The following TNFSF4 variants were observed in gnomAD, a reference collection of about 807,000 sequenced individuals.
The protein encoded by TNFSF4 is TNF superfamily member 4, also known as tumor necrosis factor ligand superfamily member 4.
In TNFSF4, 4 loss-of-function variants were observed where a neutral mutation model predicts 7.3. That is an observed-to-expected ratio of 0.55 (90% CI 0.27 to 1.25). TNFSF4 has a LOEUF of 1.25. Among genes scored for constraint, TNFSF4 ranks in the 50% most tolerant of loss-of-function variants. TNFSF4 has a pLI of 0.12. For synonymous variants in TNFSF4, 76 were observed against 83.7 expected (o/e 0.91, Z 0.50); for missense variants, 181 against 208.8 (o/e 0.87, Z 0.82).
the TNFSF4 span, among the ~76,000 whole-genome samples, chr1:173,176,005 T>C: frequency 4.6e-5 from 7 of 152,196 alleles, no homozygotes; most frequent in Non-Finnish European, 1.0e-4. Flanking sequence ...ACAAATGTCT[T>C]GTGTTTGTAA....
At chr1:173,183,041 A>G (rs1051785286), downstream of TNFSF4, among the ~76,000 whole-genome samples, 1 of 152,214 alleles carries the variant, frequency 6.6e-6, no homozygotes, top group Non-Finnish European at 1.5e-5. Context: ...CGATATTTAA[A>G]TATCAGCTAC....
At chr1:173,335,804 T>A in the TNFSF4 span, among the ~76,000 whole-genome samples, 2 of 152,192 alleles carry the variant, frequency 1.3e-5, no homozygotes, top group African/African-American at 4.8e-5. Context: ...AAATATACAC[T>A]GTTACTATTT....
the TNFSF4 span, among the ~76,000 whole-genome samples, chr1:173,308,368 G>A: frequency 1.3e-5 from 2 of 149,984 alleles, no homozygotes; most frequent in Non-Finnish European, 3.0e-5. Flanking sequence ...AGGTCTTGAA[G>A]ACATTTTTCT....
the TNFSF4 span, among the ~76,000 whole-genome samples, chr1:173,292,217 A>T: frequency 1.3e-5 from 2 of 152,268 alleles, no homozygotes; most frequent in South Asian, 4.1e-4. Context: ...TAATAAACAT[A>T]GATGCAAAAA....
the TNFSF4 span, among the ~76,000 whole-genome samples, chr1:173,221,667 G>A: frequency 3.5e-4 from 54 of 152,312 alleles, no homozygotes; most frequent in African/African-American, 1.3e-3. Flanking sequence ...GAAGAGCTCA[G>A]TTTTGCACAG....
the TNFSF4 span, among the ~76,000 whole-genome samples, chr1:173,213,447 GA>G: frequency 6.6e-6 from 1 of 152,042 alleles, no homozygotes; most frequent in South Asian, 2.1e-4. Flanking sequence ...CAAATATCTA[GA>G]CAGACTTTTG....
At chr1:173,447,526 A>T in the TNFSF4 span, among the ~76,000 whole-genome samples, 1 of 152,128 alleles carries the variant, frequency 6.6e-6, no homozygotes, top group Non-Finnish European at 1.5e-5. Context: ...TTTTCACTCA[A>T]TTTGTCTGTG....
At chr1:173,289,135 G>A in the TNFSF4 span, among the ~76,000 whole-genome samples, 5 of 152,132 alleles carry the variant, frequency 3.3e-5, no homozygotes, top group African/African-American at 1.2e-4. Flanking sequence ...AGTCAGTGTT[G>A]GAGAAAAGGA....
chr1:173,360,112 G>A, the TNFSF4 span, among the ~76,000 whole-genome samples: 42 of 152,356 alleles, frequency 2.8e-4, no homozygotes, highest in South Asian at 3.5e-3. Flanking sequence ...ATTCCAACTA[G>A]CCGGCTGATA....
the TNFSF4 span, among the ~76,000 whole-genome samples, chr1:173,274,299 A>G: frequency 6.6e-6 from 1 of 152,192 alleles, no homozygotes; most frequent in Non-Finnish European, 1.5e-5. Flanking sequence ...TTGATATTTC[A>G]TAATTTATTC....
At chr1:173,407,132 T>C in the TNFSF4 span, among the ~76,000 whole-genome samples, 1 of 151,204 alleles carries the variant, frequency 6.6e-6, no homozygotes, top group Admixed American at 6.6e-5. Flanking sequence ...GGGAGGCAGG[T>C]GGTGCGGGAG....
chr1:173,180,142 A>G (rs1328299685), downstream of TNFSF4, among the ~76,000 whole-genome samples: 1 of 152,206 alleles, frequency 6.6e-6, no homozygotes, highest in African/African-American at 2.4e-5. Context: ...TGAATGAATG[A>G]ACAAATTAAT....
chr1:173,253,519 C>A, the TNFSF4 span, among the ~76,000 whole-genome samples: 1 of 152,140 alleles, frequency 6.6e-6, no homozygotes, highest in Admixed American at 6.6e-5. Context: ...CCTTGCAATT[C>A]AACCTTAATA....
the TNFSF4 span, among the ~76,000 whole-genome samples, chr1:173,311,445 G>C: frequency 5.9e-5 from 9 of 151,946 alleles, no homozygotes; most frequent in Non-Finnish European, 1.0e-4. Context: ...CACTACCCTA[G>C]GGCTGTGAGA....
At chr1:173,412,268 C>G in the TNFSF4 span, among the ~76,000 whole-genome samples, 1 of 152,180 alleles carries the variant, frequency 6.6e-6, no homozygotes, top group African/African-American at 2.4e-5. Context: ...TGACAGTGCC[C>G]CATCTCAAGG....
the TNFSF4 span, among the ~76,000 whole-genome samples, chr1:173,350,103 T>C: frequency 9.6e-6 from 1 of 103,930 alleles, no homozygotes; most frequent in African/African-American, 3.7e-5. Context: ...CTATAAATCA[T>C]GTAGCTCCTC....
chr1:173,235,425 G>A, the TNFSF4 span, among the ~76,000 whole-genome samples: 1 of 150,938 alleles, frequency 6.6e-6, no homozygotes, highest in East Asian at 1.9e-4. Context: ...GATTCCAGGT[G>A]GGTCCACCCC....
chr1:173,425,107 T>C, the TNFSF4 span, among the ~76,000 whole-genome samples: 127,775 of 152,222 alleles, frequency 0.84, 53,921 homozygotes, highest in African/African-American at 0.92. Context: ...TCTGAGTCCT[T>C]TCCTTTCTTT....
At chr1:173,419,175 C>CA in the TNFSF4 span, among the ~76,000 whole-genome samples, 3 of 151,514 alleles carry the variant, frequency 2.0e-5, no homozygotes, top group East Asian at 1.9e-4. Context: ...CCATCTCTAC[C>CA]AAAAAAATAC....
Sources: allele counts gnomAD v4.1 joint callset (sites outside exome capture counted in the v4.1 genomes callset), GRCh38; gene constraint gnomAD v4.1.1; transcripts MANE v1.5; gene names NCBI Gene and HGNC (gene_info 2026-07-23, HGNC 2026-07-21).